CAMTA1: variants seen among roughly 807,000 people sequenced by gnomAD.
CAMTA1 encodes the protein calmodulin-binding transcription activator 1.
Under a neutral mutation model 170.9 loss-of-function variants are expected in CAMTA1, and 27 were observed. That is an observed-to-expected ratio of 0.16 (90% CI 0.12 to 0.22). The LOEUF (loss-of-function observed/expected upper bound fraction) is 0.22. Among genes scored for constraint, CAMTA1 ranks in the 10% least tolerant of loss-of-function variants. CAMTA1 has a pLI of 1.00. For missense variants in CAMTA1, 1,619 were observed against 2,217.2 expected, an observed-to-expected ratio of 0.73 and a Z score of 5.42; for synonymous variants, 833 against 891.5, an observed-to-expected ratio of 0.93 and a Z score of 1.17.
chr1:7,137,706 C>A (rs1645623279), intron 4 of CAMTA1, among the ~76,000 whole-genome samples: 1 of 152,168 alleles, frequency 6.6e-6, no homozygotes, highest in Non-Finnish European at 1.5e-5. Context: ...TATGCCCTTT[C>A]CCCTGATATC....
rs2095701106 is a variant in CAMTA1 at position 7,635,127 on chromosome 1, G to A, written c.511-5273G>A. Among the ~76,000 whole-genome samples, 1 of 152,182 alleles carries A rather than the reference G, an allele frequency of 6.6e-6. No individual in the cohort carries two copies. Among genetic ancestry groups the A allele is most frequent in the Non-Finnish European group, 1.5e-5 (1 of 68,048 alleles). On this transcript the variant is annotated intron_variant, in intron 6 of 22. Coordinates refer to ENST00000303635, the MANE Select transcript of CAMTA1 (RefSeq NM_015215.4). The surrounding 1 kb of genome is among the most constrained non-coding windows in gnomAD (Gnocchi z 4.4). ...AGGAAAGCAAGGGCTCATCTCCAAA[G>A]GTCACGATCACTTTGGGGGGTGACC...
chr1:7,124,733 C>T (rs550180261), intron 4 of CAMTA1, among the ~76,000 whole-genome samples: 6 of 152,328 alleles, frequency 3.9e-5, no homozygotes, highest in East Asian at 1.9e-4. Flanking sequence ...CGAAGCACGG[C>T]GCTGACAGCA....
At chr1:6,899,554 G>GCGCGCACA (rs1306510241) in intron 3 of CAMTA1, among the ~76,000 whole-genome samples, 147 of 141,084 alleles carry the variant, frequency 1.0e-3, no homozygotes, top group Non-Finnish European at 1.7e-3. Flanking sequence ...ACGCGCGCGC[G>GCGCGCACA]CACACACACA....
chr1:7,239,564 A>G (rs1159013054), intron 4 of CAMTA1, among the ~76,000 whole-genome samples: 2 of 150,936 alleles, frequency 1.3e-5, no homozygotes, highest in South Asian at 2.1e-4. Context: ...TTACGATACC[A>G]TGTCCCAGCG....
At chr1:7,245,977 C>T (rs1347585599) in intron 4 of CAMTA1, among the ~76,000 whole-genome samples, 2 of 152,328 alleles carry the variant, frequency 1.3e-5, no homozygotes, top group African/African-American at 2.4e-5. Flanking sequence ...AGAGCGACCC[C>T]CTCCACCGGG....
chr1:7,101,692 T>C (rs1243564741), intron 4 of CAMTA1, among the ~76,000 whole-genome samples: 1 of 152,238 alleles, frequency 6.6e-6, no homozygotes, highest in African/African-American at 2.4e-5. Flanking sequence ...GACACATATG[T>C]GCGTGCTGTG....
At chr1:7,066,867 C>G (rs995350739) in intron 3 of CAMTA1, among the ~76,000 whole-genome samples, 5 of 152,188 alleles carry the variant, frequency 3.3e-5, no homozygotes, top group African/African-American at 1.2e-4. Flanking sequence ...GCATCATAGG[C>G]TCAGTTTAGA....
At chr1:6,791,694 TTGTC>T (rs1242601518) in intron 1 of CAMTA1, among the ~76,000 whole-genome samples, 1 of 152,248 alleles carries the variant, frequency 6.6e-6, no homozygotes, top group African/African-American at 2.4e-5. Context: ...CTCTGCTACT[TTGTC>T]TGTGTAACTT....
chr1:7,026,044 C>T (rs535226664), intron 3 of CAMTA1, among the ~76,000 whole-genome samples: 18 of 151,786 alleles, frequency 1.2e-4, no homozygotes, highest in South Asian at 4.2e-4. Flanking sequence ...TGCTTGAGCC[C>T]GGAAGATGGA....
chr1:7,498,838 GTGCGTGTGTATGTA>G (rs2093896285), intron 6 of CAMTA1, among the ~76,000 whole-genome samples: 1 of 149,090 alleles, frequency 6.7e-6, no homozygotes, highest in African/African-American at 2.5e-5. Flanking sequence ...TGAGCCTGGT[GTGCGTGTGTATGTA>G]TGAGTGTGTG....
In CAMTA1 at chr1:7,353,884, A is replaced by G. The variant is rs543680018; in HGVS notation, c.438+104258A>G. ...GTAGTGAGCATAGTACCTAATAGGTACTTTTTCGATCCTCACCTTCTGCCC... is the reference window on the plus strand; with the variant it reads ...GTAGTGAGCATAGTACCTAATAGGTGCTTTTTCGATCCTCACCTTCTGCCC... On this transcript the variant is annotated intron_variant, in intron 5 of 22. Coordinates refer to ENST00000303635, the MANE Select transcript of CAMTA1 (RefSeq NM_015215.4). Among the ~76,000 whole-genome samples, 27 of 152,188 alleles carry G rather than the reference A, an allele frequency of 1.8e-4. No individual in the cohort carries two copies. The South Asian group carries it at 4.8e-3, about 27-fold the overall frequency.
At chr1:6,810,330 G>C (rs541776818) in intron 1 of CAMTA1, among the ~76,000 whole-genome samples, 1 of 152,298 alleles carries the variant, frequency 6.6e-6, no homozygotes, top group East Asian at 1.9e-4. Context: ...CTGTTGGCCC[G>C]AGGCTACCCT....
At chr1:7,490,128 C>T (rs979185156) in intron 6 of CAMTA1, among the ~76,000 whole-genome samples, 7 of 152,182 alleles carry the variant, frequency 4.6e-5, no homozygotes, top group African/African-American at 9.7e-5. Context: ...TTGCAGAGTA[C>T]GATAGGAGCA....
At chr1:7,105,997 C>T (rs1643545171) in intron 4 of CAMTA1, among the ~76,000 whole-genome samples, 1 of 151,906 alleles carries the variant, frequency 6.6e-6, no homozygotes, top group Admixed American at 6.6e-5. Flanking sequence ...ATTTCCTATC[C>T]ACTAATGCTC....
At chr1:7,364,475 T>C (rs566711145) in intron 5 of CAMTA1, among the ~76,000 whole-genome samples, 141 of 152,060 alleles carry the variant, frequency 9.3e-4, no homozygotes, top group African/African-American at 3.2e-3. Flanking sequence ...AGACAAGGAC[T>C]TTCTTGCTCT....
At chr1:6,841,143 C>T (rs1655514415) in intron 3 of CAMTA1, among the ~76,000 whole-genome samples, 2 of 152,208 alleles carry the variant, frequency 1.3e-5, no homozygotes, top group African/African-American at 2.4e-5. Flanking sequence ...TGTGACCCTG[C>T]TCTCTTCTCA....
intron 11 of CAMTA1, among the ~76,000 whole-genome samples, chr1:7,704,646 T>TG (rs932992475): frequency 6.8e-6 from 1 of 147,896 alleles, no homozygotes; most frequent in Admixed American, 6.7e-5. Flanking sequence ...CCACGCGGCC[T>TG]GGGGGGCGGG....
intron 3 of CAMTA1, among the ~76,000 whole-genome samples, chr1:7,058,742 G>T (rs1420974643): frequency 4.3e-4 from 66 of 152,108 alleles, no homozygotes; most frequent in Admixed American, 4.3e-3. Context: ...ATTAAAATCT[G>T]CTCCTTTCCT....
intron 6 of CAMTA1, among the ~76,000 whole-genome samples, chr1:7,553,632 G>T (rs1385005128): frequency 1.3e-5 from 2 of 152,244 alleles, no homozygotes; most frequent in Non-Finnish European, 2.9e-5. Flanking sequence ...CCAGATGGGG[G>T]TGCTGAAAGG....
Sources: gnomAD v4.1 joint callset for allele counts (sites outside exome capture counted in the v4.1 genomes callset) on GRCh38, gnomAD v4.1.1 for gene constraint, Gnocchi (gnomAD v3.1) non-coding constraint, MANE v1.5 for transcripts, NCBI Gene and HGNC (gene_info 2026-07-23, HGNC 2026-07-21) for gene names.